Variants in THBS4 observed in about 807,000 individuals in gnomAD.
The protein encoded by THBS4 is thrombospondin-4.
In THBS4, 90 loss-of-function variants were observed where a neutral mutation model predicts 115.7. That is an observed-to-expected ratio of 0.78 (90% CI 0.66 to 0.93). The LOEUF is 0.93. THBS4 is among the 40% of genes least tolerant of loss of function. The pLI is 0.00. For missense variants in THBS4, 1,087 were observed against 1,232.7 expected (o/e 0.88, Z 1.77); for synonymous variants, 460 against 479.3 (o/e 0.96, Z 0.53).
intron 2 of THBS4, among the ~76,000 whole-genome samples, chr5:80,003,770 T>G (rs1466708766): frequency 6.6e-6 from 1 of 152,250 alleles, no homozygotes; most frequent in Admixed American, 6.5e-5. Context: ...CCCCTTCTTA[T>G]GTTACTGTAT....
chr5:80,042,736 C>T (rs567501746), intron 2 of THBS4, among the ~76,000 whole-genome samples: 1 of 152,272 alleles, frequency 6.6e-6, no homozygotes, highest in Admixed American at 6.5e-5. Context: ...GAGGCTGAGG[C>T]AGGCAGATCA....
chr5:80,065,002 T>G (rs1833763742), intron 8 of THBS4, among the ~76,000 whole-genome samples: 1 of 151,972 alleles, frequency 6.6e-6, no homozygotes, highest in South Asian at 2.1e-4. Flanking sequence ...ATTCATCCAA[T>G]TGTAGTTCCA....
At chr5:80,039,967 T>C (rs978505245) in intron 1 of THBS4, 110 bp from the exon 2 acceptor site, 3 of 937,298 alleles carry the variant, frequency 3.2e-6, no homozygotes, top group Non-Finnish European at 5.1e-6. Context: ...AAGATTAGTT[T>C]ACATTACTTT....
intron 1 of THBS4, among the ~76,000 whole-genome samples, chr5:79,994,128 A>C (rs890047046): frequency 6.6e-6 from 1 of 152,224 alleles, no homozygotes; most frequent in Non-Finnish European, 1.5e-5. Flanking sequence ...ACATTTATGG[A>C]GCAATTTCTA....
At chr5:80,070,918 T>G in intron 12 of THBS4, 103 bp from the exon 13 acceptor site, 2 of 1,587,272 alleles carry the variant, frequency 1.3e-6, no homozygotes, top group Non-Finnish European at 8.5e-7. Context: ...GTTTGAAATA[T>G]AAAACTGACA....
rs751103130 is a variant in THBS4, at chr5:80,035,568, C to T, written c.31C>T (p.Leu11=). The T allele has an allele frequency of 1.4e-6, 2 of 1,434,746 alleles. No homozygotes were observed. Among genetic ancestry groups the T allele is most frequent in the African/African-American group, 1.5e-5 (1 of 68,294 alleles). The allele number at this position is 1,434,746 out of a possible 1,614,324, so 88.9% of individuals were successfully genotyped here. A position where few individuals can be genotyped will look rare whatever the true frequency, so the allele number is the denominator to read the frequency against. Residue 11 remains leucine (L), a synonymous_variant, in exon 1 of 22, where the codon CTG becomes TTG. Transcript: ENST00000350881. This position sits in a 1 kb window ranked among gnomAD's most constrained non-coding sequence, Gnocchi z 4.6. The part of the protein sequence containing the change: MLAPRGAAVL[L]LHLVLQRWLA... ...GGCCCCGCGCGGAGCCGCCGTCCTC[C>T]TGCTGCACCTGGTCCTGCAGCGGTG...
At chr5:80,024,350 C>A (rs1378592986) in intron 2 of THBS4, among the ~76,000 whole-genome samples, 1 of 152,160 alleles carries the variant, frequency 6.6e-6, no homozygotes, top group Non-Finnish European at 1.5e-5. Context: ...CAAGATCATG[C>A]ATCCTGGGAA....
intron 1 of THBS4, 73 bp from the exon 2 acceptor site, chr5:80,040,004 C>A (rs991571926): frequency 5.8e-6 from 8 of 1,379,270 alleles, no homozygotes; most frequent in Non-Finnish European, 8.2e-6. Context: ...TTGCACCCCC[C>A]CCAAACAAAG....
intron 9 of THBS4, chr5:80,067,470 C>A (rs1354060632): frequency 6.6e-6 from 1 of 152,340 alleles, no homozygotes; most frequent in Non-Finnish European, 1.5e-5. Flanking sequence ...GCTCATTTGT[C>A]AGTTTCTCAG....
chr5:80,021,899 C>T lies in THBS4; in HGVS notation n.178-18178C>T, dbSNP rs1832385356. 3.3e-5 allele frequency among the ~76,000 whole-genome samples: 5 copies of T among 152,220 alleles called. No individual in the cohort carries two copies. In the South Asian group the frequency reaches 1.0e-3, roughly 32 times the overall value. On this transcript the variant is annotated intron_variant and non_coding_transcript_variant, in intron 2 of 3. Coordinates refer to the THBS4 transcript ENST00000510218. ...TTTTGTGGGAAAGTGTAAAAACAAA[C>T]CAGAAAATCACATGAATTCCCCTAG...
At chr5:80,073,223 A>T in intron 14 of THBS4, 52 bp from the exon 15 acceptor site, 1 of 1,581,060 alleles carries the variant, frequency 6.3e-7, no homozygotes. Flanking sequence ...TCTCTGGAAC[A>T]TTCGGTACAT....
chr5:80,022,758 C>T (rs749177963), intron 2 of THBS4, among the ~76,000 whole-genome samples: 24 of 152,196 alleles, frequency 1.6e-4, no homozygotes, highest in South Asian at 6.2e-4. Flanking sequence ...ACGTTCATAA[C>T]AATGTGGAAA....
chr5:80,003,953 G>A (rs1372954378), intron 2 of THBS4, among the ~76,000 whole-genome samples: 1 of 152,202 alleles, frequency 6.6e-6, no homozygotes, highest in African/African-American at 2.4e-5. Flanking sequence ...GCACAGCGAG[G>A]ATCTGGTAGT....
intron 2 of THBS4, among the ~76,000 whole-genome samples, chr5:80,013,620 A>T (rs1370616981): frequency 6.6e-6 from 1 of 151,950 alleles, no homozygotes; most frequent in East Asian, 1.9e-4. Context: ...CCCAGGGTAT[A>T]TTTGCACCCT....
rs1030245293 is a variant in THBS4 at position 80,062,803 on chromosome 5, C to T, written c.1125+971C>T. ...TGCGGTGTTTGGTTTTCTATCCTTG[C>T]GATAGTTTGCTCAGAATGATGGTTT... On this transcript the variant is annotated intron_variant, in intron 8 of 21. Transcript: ENST00000350881. Among the ~76,000 whole-genome samples the T allele has an allele frequency of 6.6e-5, 10 of 152,220 alleles. No individual in the cohort carries two copies. The East Asian group carries it at 9.7e-4, about 15-fold the overall frequency.
chr5:80,038,120 C>G (rs192538675), intron 1 of THBS4, among the ~76,000 whole-genome samples: 1 of 151,956 alleles, frequency 6.6e-6, no homozygotes, highest in East Asian at 1.9e-4. Flanking sequence ...ATTACAAAAG[C>G]AATACCTGCC....
intron 21 of THBS4, 36 bp downstream of exon 21, chr5:80,082,581 C>T (rs1300778187): frequency 6.2e-7 from 1 of 1,610,722 alleles, no homozygotes; most frequent in South Asian, 1.1e-5. Context: ...AACATTGTTA[C>T]TAGAATTAGT....
intron 15 of THBS4, 32 bp from the exon 16 acceptor site, chr5:80,076,823 G>A (rs747912707): frequency 5.3e-6 from 8 of 1,503,972 alleles, no homozygotes; most frequent in Non-Finnish European, 6.2e-6. Context: ...CTGCTGAACT[G>A]TGAGCCACAT....
chr5:80,080,718 C>G (rs540746376), intron 20 of THBS4, among the ~76,000 whole-genome samples: 2 of 151,388 alleles, frequency 1.3e-5, no homozygotes, highest in Admixed American at 6.6e-5. Flanking sequence ...TCCCGAGTAG[C>G]TGGGATTACA....
Sources: gnomAD v4.1 joint callset for allele counts (sites outside exome capture counted in the v4.1 genomes callset) on GRCh38, gnomAD v4.1.1 for gene constraint, Gnocchi (gnomAD v3.1) non-coding constraint, MANE v1.5 for transcripts, NCBI Gene and HGNC (gene_info 2026-07-23, HGNC 2026-07-21) for gene names.